Variants in MOGAT1 observed in about 807,000 individuals in gnomAD.
MOGAT1 encodes the protein 2-acylglycerol O-acyltransferase 1.
In MOGAT1, 32 loss-of-function variants were observed where a neutral mutation model predicts 31.4. That is an observed-to-expected ratio of 1.02 (90% CI 0.77 to 1.37). The LOEUF is 1.37. Among genes scored for constraint, MOGAT1 ranks in the 40% most tolerant of loss-of-function variants. The pLI, the probability that MOGAT1 is intolerant of heterozygous loss-of-function variation, is 0.00. For synonymous variants in MOGAT1, 145 were observed against 144.5 expected (o/e 1.00, Z -0.03); for missense variants, 426 against 402.0 (o/e 1.06, Z -0.51).
intron 5 of MOGAT1, among the ~76,000 whole-genome samples, chr2:222,701,299 G>GAGAGAGAGAGA (rs71053101): frequency 0.011 from 1,005 of 90,488 alleles, 8 homozygotes; most frequent in African/African-American, 0.021. Flanking sequence ...AGGAGGAGGA[G>GAGAGAGAGAGA]GAGAGAGAGA....
chr2:222,701,630 C>T (rs13003136), intron 5 of MOGAT1, among the ~76,000 whole-genome samples: 18 of 138,040 alleles, frequency 1.3e-4, no homozygotes, highest in Admixed American at 7.7e-5. Flanking sequence ...AAAGGAAGGA[C>T]GTCGGGAAGG....
In MOGAT1 at chr2:222,709,177, G is replaced by C. The variant is rs566048982; in HGVS notation, c.854-559G>C. ...AAAATACAAAAAAAAAATTAGCCGG[G>C]CATGGTGGTGGGAGCCTGTAATCCC... On this transcript the variant is annotated intron_variant, in intron 5 of 5. Coordinates refer to ENST00000446656, the MANE Select transcript of MOGAT1 (RefSeq NM_058165.3). 5.3e-5 allele frequency among the ~76,000 whole-genome samples: 8 copies of C among 152,252 alleles called. No individual in the cohort carries two copies. In the East Asian group the frequency reaches 1.2e-3, roughly 22 times the overall value.
intron 5 of MOGAT1, chr2:222,699,490 C>CTTTGTTTTTTTTTT (rs1692887187): frequency 1.3e-5 from 1 of 77,680 alleles, no homozygotes; most frequent in Non-Finnish European, 2.3e-5. Flanking sequence ...GGAGATATTT[C>CTTTGTTTTTTTTTT]TTTTTTTTTT....
chr2:222,681,369 A>G lies in MOGAT1; in HGVS notation c.95-6975A>G, dbSNP rs571888414. ...TCTGTCATTTGCTATGATGGCTCAT[A>G]GCACTCAGGAAAACACTTATGTTTG... On this transcript the variant is annotated intron_variant, in intron 1 of 5. Coordinates refer to ENST00000446656, the MANE Select transcript of MOGAT1 (RefSeq NM_058165.3). Among the ~76,000 whole-genome samples, 4 of 152,336 alleles carry G rather than the reference A, an allele frequency of 2.6e-5. No individual in the cohort carries two copies. In the East Asian group the frequency reaches 7.7e-4, roughly 29 times the overall value.
chr2:222,690,469 A>G (rs996103972), intron 3 of MOGAT1, among the ~76,000 whole-genome samples: 2 of 152,054 alleles, frequency 1.3e-5, no homozygotes, highest in African/African-American at 4.8e-5. Context: ...AGGTGGGGGA[A>G]CTGCTTGAAC....
At chr2:222,695,726 G>A (rs1477571265) in intron 5 of MOGAT1, among the ~76,000 whole-genome samples, 11 of 151,870 alleles carry the variant, frequency 7.2e-5, no homozygotes, top group Admixed American at 6.6e-4. Context: ...TTTGCAGCTA[G>A]CTGTTTTATA....
At chr2:222,690,867 T>C (rs1233201536) in intron 3 of MOGAT1, among the ~76,000 whole-genome samples, 1 of 152,232 alleles carries the variant, frequency 6.6e-6, no homozygotes, top group Non-Finnish European at 1.5e-5. Flanking sequence ...CCTTGTTTTG[T>C]ATACATTGTG....
chr2:222,689,289 C>T lies in MOGAT1; in HGVS notation c.298C>T (p.Pro100Ser). ...IHLIKTQDLD[P>S]SHNYIFGFHP... ...GCTTATCAAAACTCAAGATTTGGAT[C>T]CAAGTCACAACTATATATTTGGGTT... is the stretch of plus-strand genomic sequence containing the variant. Residue 100 changes from proline (P) to serine (S), a missense_variant, in exon 3 of 6, where the codon CCA becomes TCA. Pro to Ser is a moderately conservative substitution (Grantham distance 74). Coordinates refer to ENST00000446656, the MANE Select transcript of MOGAT1 (RefSeq NM_058165.3). The T allele has an allele frequency of 1.9e-6, 3 of 1,613,570 alleles. No individual in the cohort carries two copies. In the African/African-American group the frequency reaches 4.0e-5, roughly 22 times the overall value.
chr2:222,695,673 T>C (rs1692827315), intron 5 of MOGAT1, among the ~76,000 whole-genome samples: 1 of 152,260 alleles, frequency 6.6e-6, no homozygotes, highest in Non-Finnish European at 1.5e-5. Context: ...CCTCATTATG[T>C]TCAGTTCACA....
chr2:222,706,126 G>A (rs1286009794), intron 5 of MOGAT1, among the ~76,000 whole-genome samples: 1 of 152,172 alleles, frequency 6.6e-6, no homozygotes, highest in Non-Finnish European at 1.5e-5. Flanking sequence ...CTAAGGCAAA[G>A]AAAAGAAGAT....
At chr2:222,701,398 AAGAG>A (rs552136301) in intron 5 of MOGAT1, among the ~76,000 whole-genome samples, 60 of 145,186 alleles carry the variant, frequency 4.1e-4, no homozygotes, top group South Asian at 8.8e-4. Flanking sequence ...GAAAGAAAGA[AAGAG>A]AGAGAGAGAG....
Position 222,679,056 on chromosome 2 carries a change from G to T in MOGAT1, c.94+7177G>T, listed in dbSNP as rs185350722. On this transcript the variant is annotated intron_variant, in intron 1 of 5. Transcript: ENST00000446656. The stretch of plus-strand genomic sequence containing the variant: ...CCATATAGATCTATGATCTATTTAG[G>T]GTTAATTTTTGTGTGTGGTACAGTG... 5.9e-5 allele frequency among the ~76,000 whole-genome samples: 9 copies of T among 152,218 alleles called. No individual in the cohort carries two copies. In the East Asian group the frequency reaches 1.4e-3, roughly 23 times the overall value.
intron 1 of MOGAT1, among the ~76,000 whole-genome samples, chr2:222,686,950 T>C (rs1447829460): frequency 6.6e-6 from 1 of 151,318 alleles, no homozygotes; most frequent in Non-Finnish European, 1.5e-5. Context: ...CTGTCTCTAC[T>C]AAAAAATACA....
chr2:222,704,504 G>C (rs1328204629), intron 5 of MOGAT1, among the ~76,000 whole-genome samples: 3 of 152,008 alleles, frequency 2.0e-5, no homozygotes, highest in Non-Finnish European at 4.4e-5. Context: ...GACGCCTGTA[G>C]TCCCAGCTAC....
At chr2:222,687,113 C>CAAAAAAAAA (rs1177781176) in intron 1 of MOGAT1, among the ~76,000 whole-genome samples, 14 of 22,442 alleles carry the variant, frequency 6.2e-4, no homozygotes, top group East Asian at 2.4e-3. Flanking sequence ...GACTCCATCT[C>CAAAAAAAAA]AAAAAAAAAA....
chr2:222,707,099 C>A (rs1351531586), intron 5 of MOGAT1, among the ~76,000 whole-genome samples: 2 of 151,902 alleles, frequency 1.3e-5, no homozygotes, highest in Non-Finnish European at 2.9e-5. Flanking sequence ...GGCTGAGGCA[C>A]AAGAATTGCT....
intron 2 of MOGAT1, among the ~76,000 whole-genome samples, chr2:222,688,950 G>A (rs576386467): frequency 2.6e-5 from 4 of 152,282 alleles, no homozygotes; most frequent in Non-Finnish European, 5.9e-5. Flanking sequence ...TCCCAACACC[G>A]TTGCGTTGGG....
chr2:222,700,627 G>C (rs930470884), intron 5 of MOGAT1, among the ~76,000 whole-genome samples: 4 of 152,146 alleles, frequency 2.6e-5, no homozygotes, highest in African/African-American at 9.7e-5. Flanking sequence ...CCATAATGTA[G>C]AGCATCTCGA....
intron 1 of MOGAT1, among the ~76,000 whole-genome samples, chr2:222,687,066 A>G (rs1692681260): frequency 7.2e-6 from 1 of 138,510 alleles, no homozygotes; most frequent in African/African-American, 2.6e-5. Flanking sequence ...GTGAGCCAAG[A>G]TTGCACCCAT....
Sources: allele counts gnomAD v4.1 joint callset (sites outside exome capture counted in the v4.1 genomes callset), GRCh38; gene constraint gnomAD v4.1.1; transcripts MANE v1.5; gene names NCBI Gene and HGNC (gene_info 2026-07-23, HGNC 2026-07-21).